PAIP1: variants seen among roughly 807,000 people sequenced by gnomAD.
The protein encoded by PAIP1 is polyadenylate-binding protein-interacting protein 1.
In PAIP1, 16 loss-of-function variants were observed where a neutral mutation model predicts 61.3. The observed-to-expected ratio is 0.26, with a 90% CI of 0.18 to 0.40. The LOEUF (loss-of-function observed/expected upper bound fraction) is 0.40, where lower values mean the gene tolerates loss of function less well. Ranked by LOEUF, PAIP1 falls within the 10% of genes least tolerant of loss-of-function variation. PAIP1 has a pLI of 1.00. For missense variants in PAIP1, 416 were observed against 600.9 expected (o/e 0.69, Z 3.22); for synonymous variants, 187 against 226.2 (o/e 0.83, Z 1.56).
chr5:43,550,743 A>G lies in PAIP1; in HGVS notation c.436-2830T>C, dbSNP rs1191778927. Among the ~76,000 whole-genome samples, 3 of 151,300 alleles carry G rather than the reference A, an allele frequency of 2.0e-5. No homozygotes were observed. In the East Asian group the frequency reaches 5.9e-4, roughly 30 times the overall value. ...TTAGGGGATGGGATACTGCCATGACATGAATATCTGCCATGAATAAAGCAG... is the reference window on the plus strand; with the variant it reads ...TTAGGGGATGGGATACTGCCATGACGTGAATATCTGCCATGAATAAAGCAG... On this transcript the variant is annotated intron_variant, in intron 2 of 10. Transcript: ENST00000306846.
chr5:43,548,021 A>G, intron 2 of PAIP1, 108 bp from the exon 3 acceptor site: 1 of 627,866 alleles, frequency 1.6e-6, no homozygotes, highest in Non-Finnish European at 2.7e-6. Flanking sequence ...TCACATGATA[A>G]AAATTTATGT....
chr5:43,537,635 C>T (rs961031358), intron 5 of PAIP1, among the ~76,000 whole-genome samples: 6 of 152,010 alleles, frequency 3.9e-5, no homozygotes. Flanking sequence ...ATGGCGTTTA[C>T]GATCTTAAGT....
rs1313076439 is a variant in PAIP1 at position 43,557,042 on chromosome 5, A to C, written c.-196T>G. The stretch of plus-strand genomic sequence containing the variant: ...CGGCAGCCCGAGCACCCGCCGCTCC[A>C]GAGCGCCCGCCCCGCTCGGCTACCC... On this transcript the variant is annotated 5_prime_UTR_variant, in exon 1 of 11. Transcript: ENST00000306846. The C allele has an allele frequency of 1.0e-6, 1 of 987,876 alleles. No homozygotes were observed. Among genetic ancestry groups the C allele is most frequent in the East Asian group, 3.4e-5 (1 of 29,562 alleles). The allele number at this position is 987,876 out of a possible 1,614,324, so 61.2% of individuals were successfully genotyped here. A position where few individuals can be genotyped will look rare whatever the true frequency, so the allele number is the denominator to read the frequency against.
chr5:43,546,732 T>C (rs1747649422), intron 3 of PAIP1, among the ~76,000 whole-genome samples: 1 of 152,056 alleles, frequency 6.6e-6, no homozygotes, highest in African/African-American at 2.4e-5. Flanking sequence ...TCTACTGTAT[T>C]TTTCACTTTT....
At chr5:43,537,202 T>C (rs1747189153) in intron 5 of PAIP1, among the ~76,000 whole-genome samples, 1 of 152,232 alleles carries the variant, frequency 6.6e-6, no homozygotes, top group South Asian at 2.1e-4. Flanking sequence ...TACTACTTCA[T>C]AAAGCTTTCT....
chr5:43,550,974 C>T (rs867852361), intron 2 of PAIP1, among the ~76,000 whole-genome samples: 3 of 151,700 alleles, frequency 2.0e-5, no homozygotes, highest in Admixed American at 1.3e-4. Flanking sequence ...ACAAGAAGCA[C>T]ACAGGCCCCA....
chr5:43,549,574 T>C lies in PAIP1; in HGVS notation c.436-1661A>G, dbSNP rs575881904. ...TGATTCTGAGGCTTTCCCAGCCTTG[T>C]GGAACTGTAAGTCCAATTAAATCTC... On this transcript the variant is annotated intron_variant, in intron 2 of 10. Transcript: ENST00000306846. 2.1e-4 allele frequency among the ~76,000 whole-genome samples: 32 copies of C among 152,306 alleles called. No homozygotes were observed. The South Asian group carries it at 2.7e-3, about 13-fold the overall frequency.
chr5:43,538,876 T>A, intron 5 of PAIP1, 48 bp downstream of exon 5: 1 of 909,178 alleles, frequency 1.1e-6, no homozygotes, highest in Non-Finnish European at 1.8e-6. Flanking sequence ...TGAGATCAAC[T>A]TATGTTCTCA....
intron 9 of PAIP1, among the ~76,000 whole-genome samples, chr5:43,531,655 T>TTAAAAAAAA (rs1561228142): frequency 2.5e-4 from 2 of 7,970 alleles, no homozygotes; most frequent in East Asian, 3.8e-3. Flanking sequence ...AGACTCTGTC[T>TTAAAAAAAA]CAAAAAAAAA....
intron 4 of PAIP1, among the ~76,000 whole-genome samples, chr5:43,539,484 CACAA>C (rs1747308549): frequency 6.9e-6 from 1 of 144,280 alleles, no homozygotes. Context: ...CACACACACA[CACAA>C]CCTCCAACTG....
intron 5 of PAIP1, among the ~76,000 whole-genome samples, chr5:43,538,098 A>G (rs2112391847): frequency 6.6e-6 from 1 of 152,146 alleles, no homozygotes; most frequent in East Asian, 1.9e-4. Flanking sequence ...CATATACTTA[A>G]GTATACCACC....
At chr5:43,534,676 C>G (rs548600538) in intron 8 of PAIP1, among the ~76,000 whole-genome samples, 177 bp downstream of exon 8, 2 of 152,338 alleles carry the variant, frequency 1.3e-5, no homozygotes, top group East Asian at 3.9e-4. Flanking sequence ...CACCCTTTCA[C>G]TGGAGAATTC....
chr5:43,546,994 G>C (rs931152141), intron 3 of PAIP1, among the ~76,000 whole-genome samples: 3 of 122,730 alleles, frequency 2.4e-5, no homozygotes, highest in African/African-American at 9.4e-5. Context: ...AGGGAGCTGA[G>C]ACTGCGCCAC....
chr5:43,529,926 A>C, intron 9 of PAIP1, 47 bp from the exon 10 acceptor site: 1 of 883,018 alleles, frequency 1.1e-6, no homozygotes, highest in Non-Finnish European at 1.9e-6. Context: ...AAAATATCAC[A>C]TGAAATGACC....
At chr5:43,540,031 C>T (rs1466817771) in intron 4 of PAIP1, among the ~76,000 whole-genome samples, 1 of 152,170 alleles carries the variant, frequency 6.6e-6, no homozygotes, top group Non-Finnish European at 1.5e-5. Flanking sequence ...TTTAGGTTGA[C>T]TTTGTAAACA....
rs188605409 is a variant in PAIP1, at chr5:43,535,781, C to G, written c.973-141G>C. 1,552 of 601,674 alleles carry G rather than the reference C, an allele frequency of 2.6e-3. 23 individuals carry two copies. The African/African-American group carries it at 0.027, about 11-fold the overall frequency. The allele number at this position is 601,674 out of a possible 1,614,324, so 37.3% of individuals were successfully genotyped here. A position where few individuals can be genotyped will look rare whatever the true frequency, so the allele number is the denominator to read the frequency against. ...TATTCCTAATTATTCTGTCTACCAT[C>G]TAATATTCAGTGATCTCTACGCCCT... On this transcript the variant is annotated intron_variant, in intron 6 of 10. Coordinates refer to ENST00000306846, the MANE Select transcript of PAIP1 (RefSeq NM_006451.5).
At chr5:43,552,448 T>G (rs951823722) in intron 2 of PAIP1, among the ~76,000 whole-genome samples, 3 of 152,106 alleles carry the variant, frequency 2.0e-5, no homozygotes, top group African/African-American at 7.2e-5. Context: ...AGCACATAAA[T>G]AAGTGATAGA....
At chr5:43,533,632 A>G in intron 9 of PAIP1, 106 bp downstream of exon 9, 1 of 777,368 alleles carries the variant, frequency 1.3e-6, no homozygotes, top group East Asian at 2.4e-5. Flanking sequence ...GAATGATGTG[A>G]AGACATCAAA....
intron 2 of PAIP1, among the ~76,000 whole-genome samples, chr5:43,548,679 A>G (rs963286687): frequency 6.6e-6 from 1 of 152,204 alleles, no homozygotes; most frequent in African/African-American, 2.4e-5. Flanking sequence ...CTTGAGCAAC[A>G]ACTTTCACAT....
Sources: gnomAD v4.1 joint callset for allele counts (sites outside exome capture counted in the v4.1 genomes callset) on GRCh38, gnomAD v4.1.1 for gene constraint, MANE v1.5 for transcripts, NCBI Gene and HGNC (gene_info 2026-07-23, HGNC 2026-07-21) for gene names.